The following BLMH variants were observed in gnomAD, a reference collection of about 807,000 sequenced individuals.
BLMH encodes the protein bleomycin hydrolase.
A neutral mutation model predicts 61.6 loss-of-function variants in BLMH; 32 were observed. The observed-to-expected ratio is 0.52, with a 90% CI of 0.39 to 0.70. The LOEUF (loss-of-function observed/expected upper bound fraction) is 0.70. BLMH is among the 30% of genes least tolerant of loss of function. The pLI, the probability that BLMH is intolerant of heterozygous loss-of-function variation, is 0.00. For synonymous variants in BLMH, 183 were observed against 193.8 expected (o/e 0.94, Z 0.46); for missense variants, 460 against 555.5 (o/e 0.83, Z 1.73).
At chr17:30,275,589 G>A (rs1455511607) in intron 6 of BLMH, among the ~76,000 whole-genome samples, 1 of 152,026 alleles carries the variant, frequency 6.6e-6, no homozygotes, top group African/African-American at 2.4e-5. Context: ...GGGAGGCTGA[G>A]GCAGGAGAAT....
intron 11 of BLMH, among the ~76,000 whole-genome samples, chr17:30,257,312 T>C (rs1907842696): frequency 6.6e-6 from 1 of 152,194 alleles, no homozygotes; most frequent in East Asian, 1.9e-4. Context: ...ATAATGAAGC[T>C]GTACTGATGT....
intron 3 of BLMH, chr17:30,288,163 T>C (rs369018878): frequency 2.2e-6 from 1 of 448,924 alleles, no homozygotes; most frequent in Non-Finnish European, 3.9e-6. Context: ...GGACTTACGA[T>C]GCTGAAACAA....
chr17:30,268,204 T>C (rs993572326), intron 10 of BLMH, among the ~76,000 whole-genome samples: 5 of 152,236 alleles, frequency 3.3e-5, no homozygotes, highest in Non-Finnish European at 5.9e-5. Flanking sequence ...TAAAGTGATA[T>C]AGTTACTTGT....
At chr17:30,252,486 C>T (rs2045778141) in intron 11 of BLMH, among the ~76,000 whole-genome samples, 1 of 138,720 alleles carries the variant, frequency 7.2e-6, no homozygotes, top group African/African-American at 2.7e-5. Flanking sequence ...TGCTTGAGCC[C>T]AGTTGTTCAA....
intron 6 of BLMH, among the ~76,000 whole-genome samples, chr17:30,278,278 T>C (rs765326215): frequency 1.3e-5 from 2 of 152,198 alleles, no homozygotes; most frequent in East Asian, 1.9e-4. Context: ...CAAGATCTAC[T>C]TGGCATCCAG....
At chr17:30,260,959 T>C (rs1175969993) in intron 11 of BLMH, among the ~76,000 whole-genome samples, 1 of 152,144 alleles carries the variant, frequency 6.6e-6, no homozygotes, top group Non-Finnish European at 1.5e-5. Flanking sequence ...AGCAGCACTT[T>C]TCCCAAGCCT....
At chr17:30,291,654 G>T in intron 1 of BLMH, 146 bp from the exon 2 acceptor site, 1 of 1,372,274 alleles carries the variant, frequency 7.3e-7, no homozygotes, top group East Asian at 2.5e-5. Context: ...CTCCTCCAAG[G>T]AGCTGTCTCC....
chr17:30,249,433 G>T, intron 11 of BLMH: 1 of 416,542 alleles, frequency 2.4e-6, no homozygotes, highest in Non-Finnish European at 4.4e-6. Context: ...TCAGAGCTGG[G>T]CCTTGGACCT....
rs187053970 is a variant in BLMH, at chr17:30,264,509, G to C, written c.1216+2376C>G. Reference sequence around the variant, plus strand: ...ACCTAAAATTATCTTTAAGTATTTAGGTTCAAAATAATAAAGACATTAACT... The same window carrying C: ...ACCTAAAATTATCTTTAAGTATTTACGTTCAAAATAATAAAGACATTAACT... On this transcript the variant is annotated intron_variant, in intron 11 of 11. Transcript: ENST00000261714. Among the ~76,000 whole-genome samples, 45 of 152,242 alleles carry C rather than the reference G, an allele frequency of 3.0e-4. 1 individual carries two copies. The highest frequency in any genetic ancestry group is 1.9e-4 in the Non-Finnish European group (13 of 68,010).
In BLMH at chr17:30,271,297, T is replaced by C. The variant is rs774293146; in HGVS notation, c.1120A>G (p.Met374Val). The part of the protein sequence containing the change: ...TFGESLMTHA[M>V]TFTAVSEKDD... ...TTCTCTGAGACAGCAGTGAAGGTCA[T>C]GGCGTGGGTCATAAGTGACTCACCA... The change falls in exon 10 of 12, where the codon ATG (methionine) becomes GTG (valine). Residue 374 changes from methionine to valine, a missense_variant. Met to Val is a conservative substitution (Grantham distance 21, BLOSUM62 1). This residue lies in a region of BLMH where 310 missense variants were observed against 371.1 expected (regional missense o/e 0.84). Coordinates refer to ENST00000261714, the MANE Select transcript of BLMH (RefSeq NM_000386.4). 1.2e-6 allele frequency: 2 copies of C among 1,613,978 alleles called. No homozygotes were observed. Among genetic ancestry groups the C allele is most frequent in the Non-Finnish European group, 1.7e-6 (2 of 1,179,832 alleles).
chr17:30,254,997 C>A (rs986866004), intron 11 of BLMH, among the ~76,000 whole-genome samples: 4 of 152,060 alleles, frequency 2.6e-5, no homozygotes, highest in African/African-American at 9.7e-5. Context: ...TTTTAAGTAC[C>A]GAATCTACAT....
In BLMH at chr17:30,287,811, A is replaced by G; in HGVS notation, c.458T>C (p.Ile153Thr). ...DGGQWDMLVN[I>T]VEKYGVIPKK... is the part of the protein sequence containing the mutation. ...ATTAAAGAAAGAACTTTTACCAACAATATTAACAAGCATATCCCATTGGCC... is the reference window on the plus strand; with the variant it reads ...ATTAAAGAAAGAACTTTTACCAACAGTATTAACAAGCATATCCCATTGGCC... Residue 153 changes from isoleucine (I) to threonine (T), a missense_variant, in exon 4 of 12, where the codon ATT (isoleucine) becomes ACT (threonine). By Grantham distance (89) the Ile-to-Thr change is moderately conservative. Around this residue, in one of 5 missense-constraint regions of BLMH, gnomAD observed 310 missense variants for 371.1 expected, o/e 0.84. Transcript: ENST00000261714. 1 of 1,613,710 alleles carries G rather than the reference A, an allele frequency of 6.2e-7. No individual in the cohort carries two copies. The highest frequency in any genetic ancestry group is 1.1e-5 in the South Asian group (1 of 90,946).
chr17:30,287,201 A>G (rs543735116), intron 4 of BLMH, among the ~76,000 whole-genome samples: 15 of 151,480 alleles, frequency 9.9e-5, no homozygotes, highest in African/African-American at 3.4e-4. Context: ...TATTTGTTTT[A>G]TTTTCTGTAG....
chr17:30,248,836 TAACAG>T lies in BLMH; in HGVS notation c.*176_*180del. ...ATCTTCCCCCCTCTTTTTTTTCCTT[TAACAG>T]TATTCTGTTTCAGCATAAAGCACAC... On this transcript the variant is annotated 3_prime_UTR_variant, in exon 12 of 12. Transcript: ENST00000261714. 9 of 685,238 alleles carry T rather than the reference TAACAG, an allele frequency of 1.3e-5. No individual in the cohort carries two copies. The highest frequency in any genetic ancestry group is 3.0e-5 in the Admixed American group (1 of 32,804). 42.4% of individuals were successfully genotyped at this position (685,238 alleles called of 1,614,324 possible).
chr17:30,276,936 G>A (rs1279434786), intron 6 of BLMH, among the ~76,000 whole-genome samples: 3 of 151,942 alleles, frequency 2.0e-5, no homozygotes, highest in Admixed American at 1.3e-4. Flanking sequence ...CTTTAACTTC[G>A]TATAAAAGTA....
intron 10 of BLMH, among the ~76,000 whole-genome samples, chr17:30,268,533 A>T (rs1412693208): frequency 2.6e-5 from 4 of 152,196 alleles, no homozygotes; most frequent in African/African-American, 9.7e-5. Context: ...TTATACCATT[A>T]GCATGTAAGG....
chr17:30,259,390 C>T (rs1287812631), intron 11 of BLMH, among the ~76,000 whole-genome samples: 1 of 152,152 alleles, frequency 6.6e-6, no homozygotes, highest in Non-Finnish European at 1.5e-5. Context: ...CTCTGCTGTT[C>T]CACTATTTAC....
intron 2 of BLMH, among the ~76,000 whole-genome samples, chr17:30,290,335 T>C (rs944289147): frequency 6.6e-6 from 1 of 152,250 alleles, no homozygotes; most frequent in East Asian, 1.9e-4. Context: ...AACGGGTCAC[T>C]GCAATCTAAA....
intron 11 of BLMH, among the ~76,000 whole-genome samples, chr17:30,257,544 T>G (rs1456476609): frequency 6.6e-6 from 1 of 152,230 alleles, no homozygotes; most frequent in East Asian, 1.9e-4. Flanking sequence ...CAAAATTCTT[T>G]TTCATATACC....
Sources: gnomAD v4.1 joint callset for allele counts (sites outside exome capture counted in the v4.1 genomes callset) on GRCh38, gnomAD v4.1.1 for gene constraint, gnomAD v4.1.1 regional missense constraint, MANE v1.5 for transcripts, NCBI Gene and HGNC (gene_info 2026-07-23, HGNC 2026-07-21) for gene names.